EDRF1: variants seen among roughly 807,000 people sequenced by gnomAD.
EDRF1 encodes the protein erythroid differentiation regulatory factor 1, also known as erythroid differentiation-related factor 1.
In EDRF1, 69 loss-of-function variants were observed where a neutral mutation model predicts 148.7. The ratio of observed to expected loss-of-function variants is 0.46; its 90% CI spans 0.38 to 0.57. The LOEUF is 0.57. Among genes scored for constraint, EDRF1 ranks in the 20% least tolerant of loss-of-function variants. The pLI is 0.00. For synonymous variants in EDRF1, 515 were observed against 532.8 expected (o/e 0.97, Z 0.46); for missense variants, 1,118 against 1,478.7 (o/e 0.76, Z 4.00).
At chr10:125,731,112 A>G (rs146449659) in intron 9 of EDRF1, among the ~76,000 whole-genome samples, 2,531 of 152,316 alleles carry the variant, frequency 0.017, 46 homozygotes, top group Non-Finnish European at 0.026. Context: ...GTGCCACTGC[A>G]CTCCAGTATG....
chr10:125,754,127 A>C (rs1406614685), intron 24 of EDRF1, among the ~76,000 whole-genome samples: 2 of 151,136 alleles, frequency 1.3e-5, no homozygotes, highest in African/African-American at 4.9e-5. Context: ...GAGGCACGAG[A>C]CTTGCTTGAA....
intron 19 of EDRF1, 178 bp from the exon 20 acceptor site, chr10:125,747,358 T>C: frequency 1.4e-6 from 1 of 738,432 alleles, no homozygotes. Flanking sequence ...GGAATAACTT[T>C]CTTCATTGAA....
At position 125,751,404 on chromosome 10, in the gene EDRF1, G is replaced by T. The variant is rs1160824603; in HGVS notation, c.3278-1395G>T. Among the ~76,000 whole-genome samples, 92 of 140,700 alleles carry T rather than the reference G, an allele frequency of 6.5e-4. 2 individuals carry two copies. The highest frequency in any genetic ancestry group is 2.1e-3 in the East Asian group (10 of 4,708). 92.3% of individuals were successfully genotyped at this position (140,700 alleles called of 152,430 possible). On this transcript the variant is annotated intron_variant, in intron 22 of 24. Coordinates refer to ENST00000356792, the MANE Select transcript of EDRF1 (RefSeq NM_001202438.2). The stretch of plus-strand genomic sequence containing the variant: ...TTTATTCTATCTTATTTTACCCAGT[G>T]TTTTTTTTTTTGTTTTTTTTTTCTA...
chr10:125,733,559 A>G lies in EDRF1; in HGVS notation c.1276+8A>G, dbSNP rs755843851. 1.1e-5 allele frequency: 18 copies of G among 1,605,334 alleles called. No homozygotes were observed. Among genetic ancestry groups the G allele is most frequent in the East Asian group, 6.7e-5 (3 of 44,806 alleles). On this transcript the variant is annotated splice_region_variant and intron_variant, in intron 10 of 24. Coordinates refer to ENST00000356792, the MANE Select transcript of EDRF1 (RefSeq NM_001202438.2). ...CCTATTGGCTCTTTAAAGGTAAGCT[A>G]TTAATACTTCTTGAGTGAACAATAA...
In EDRF1 at chr10:125,741,176, C is replaced by T; in HGVS notation, c.2346C>T (p.Ser782=). The T allele has an allele frequency of 6.2e-7, 1 of 1,614,174 alleles. No individual in the cohort carries two copies. The change falls in exon 17 of 25, where the codon AGC becomes AGT. Residue 782 remains serine, a synonymous_variant. Transcript: ENST00000356792. ...AAGAAGACCAGGAGATCCTGCATAG[C>T]CTTCACAGAGAGTCCAGTTGCCAAG... ...QTKEDQEILH[S]LHRESSCQGF... is the part of the protein sequence containing the mutation.
At chr10:125,745,361 C>G (rs1169023915) in intron 18 of EDRF1, 1 of 315,968 alleles carries the variant, frequency 3.2e-6, no homozygotes, top group Non-Finnish European at 6.0e-6. Context: ...TCTCTCTGTG[C>G]ATAGCCCTGG....
At position 125,738,275 on chromosome 10, in the gene EDRF1, T is replaced by C; in HGVS notation, c.1831-20T>C. The C allele has an allele frequency of 6.2e-7, 1 of 1,614,078 alleles. No homozygotes were observed. Among genetic ancestry groups the C allele is most frequent in the Non-Finnish European group, 8.5e-7 (1 of 1,179,946 alleles). On this transcript the variant is annotated intron_variant, in intron 14 of 24. Transcript: ENST00000356792. ...GACCTGAAGTTAGATAGATAGTGAA[T>C]GCTTTTCCTTTTTTTGCAGGGTTTA...
chr10:125,761,817 G>T lies in EDRF1; in HGVS notation c.3546-1484G>T, dbSNP rs190208849. ...ACCCAACTATTAATAAAATGACAGT[G>T]TGATGTCATTGTCCACAAAGAATAA... On this transcript the variant is annotated intron_variant, in intron 24 of 24. Coordinates refer to ENST00000356792, the MANE Select transcript of EDRF1 (RefSeq NM_001202438.2). Among the ~76,000 whole-genome samples, 6 of 152,314 alleles carry T rather than the reference G, an allele frequency of 3.9e-5. No homozygotes were observed. The East Asian group carries it at 1.2e-3, about 29-fold the overall frequency.
chr10:125,725,084 T>C (rs1848189204), intron 4 of EDRF1, among the ~76,000 whole-genome samples: 2 of 152,162 alleles, frequency 1.3e-5, no homozygotes, highest in Non-Finnish European at 2.9e-5. Context: ...GAACATGTTA[T>C]AGAGAAGACT....
Position 125,733,483 on chromosome 10 carries a change from C to A in EDRF1, c.1208C>A (p.Ala403Glu). Residue 403 changes from alanine (A) to glutamate (E), a missense_variant, in exon 10 of 25, where the codon GCA becomes GAA. Physicochemically the swap from Ala to Glu is moderately radical, Grantham distance 107. Around this residue, in one of 3 missense-constraint regions of EDRF1, gnomAD observed 954 missense variants for 1,241.4 expected, o/e 0.77. Coordinates refer to ENST00000356792, the MANE Select transcript of EDRF1 (RefSeq NM_001202438.2). The stretch of plus-strand genomic sequence containing the variant: ...TCTACTAAAGTCATAAAAGACATTG[C>A]ACAGAATATTTTATCATTTTTGAAA... ...NFSTKVIKDI[A>E]QNILSFLKSN... is the part of the protein sequence containing the mutation. 6.3e-7 allele frequency: 1 copy of A among 1,591,116 alleles called. No homozygotes were observed. The highest frequency in any genetic ancestry group is 8.6e-7 in the Non-Finnish European group (1 of 1,159,516).
intron 22 of EDRF1, among the ~76,000 whole-genome samples, chr10:125,751,640 C>T (rs967231275): frequency 4.6e-5 from 7 of 152,182 alleles, no homozygotes; most frequent in African/African-American, 1.2e-4. Flanking sequence ...TCTCCCCACC[C>T]GCAGAGTCGG....
At chr10:125,741,235 T>G (rs1849001128) in intron 17 of EDRF1, 34 bp downstream of exon 17, 9 of 1,587,202 alleles carry the variant, frequency 5.7e-6, no homozygotes, top group Non-Finnish European at 7.8e-6. Flanking sequence ...TGGTTCACAG[T>G]GGGACTGTGC....
chr10:125,722,686 T>C (rs2133662077), intron 2 of EDRF1, among the ~76,000 whole-genome samples: 1 of 152,348 alleles, frequency 6.6e-6, no homozygotes, highest in Admixed American at 6.5e-5. Context: ...GATAAATGTT[T>C]CTGTTTCTGT....
Position 125,725,690 on chromosome 10 carries a change from G to C in EDRF1, c.644G>C (p.Gly215Ala). Residue 215 changes from glycine (G) to alanine (A), a missense_variant, in exon 6 of 25, where the codon GGT becomes GCT. Around this residue, in one of 3 missense-constraint regions of EDRF1, gnomAD observed 954 missense variants for 1,241.4 expected, o/e 0.77. Coordinates refer to ENST00000356792, the MANE Select transcript of EDRF1 (RefSeq NM_001202438.2). ...ATTTCTGGTTTGGCCAGTATCAATG[G>C]TGATGGAGCCGCTCAGCCTGTCTCA... ...LSKFLYYSIN[G>A]DGAAQPVSST... 6.2e-7 allele frequency: 1 copy of C among 1,613,966 alleles called. No individual in the cohort carries two copies. Among genetic ancestry groups the C allele is most frequent in the Non-Finnish European group, 8.5e-7 (1 of 1,180,006 alleles).
intron 6 of EDRF1, among the ~76,000 whole-genome samples, chr10:125,727,368 C>T (rs1250689808): frequency 1.3e-5 from 2 of 152,178 alleles, no homozygotes; most frequent in African/African-American, 4.8e-5. Context: ...GCTATCTCTG[C>T]ACAAATTCTT....
chr10:125,736,375 T>C (rs981682026), intron 13 of EDRF1, among the ~76,000 whole-genome samples: 1 of 152,126 alleles, frequency 6.6e-6, no homozygotes, highest in African/African-American at 2.4e-5. Context: ...TCTGTTGTAT[T>C]GGACATGTCT....
At chr10:125,731,927 T>A (rs1460923598) in intron 9 of EDRF1, 1 of 451,128 alleles carries the variant, frequency 2.2e-6, no homozygotes, top group Non-Finnish European at 4.5e-6. Context: ...GGAGCTCAAG[T>A]GAGTTGCCCA....
chr10:125,750,030 A>G (rs148400641), intron 22 of EDRF1, among the ~76,000 whole-genome samples: 2,265 of 152,260 alleles, frequency 0.015, 65 homozygotes, highest in African/African-American at 0.051. Context: ...AGTCCCAGCT[A>G]CTGAGGAGGT....
intron 21 of EDRF1, chr10:125,748,280 G>A (rs1468146018): frequency 1.9e-6 from 1 of 514,558 alleles, no homozygotes; most frequent in African/African-American, 1.9e-5. Flanking sequence ...GTGTTTTTGA[G>A]ATACATCTGT....
Sources: allele counts gnomAD v4.1 joint callset (sites outside exome capture counted in the v4.1 genomes callset), GRCh38; gene constraint gnomAD v4.1.1; regional missense constraint gnomAD v4.1.1; transcripts MANE v1.5; gene names NCBI Gene and HGNC (gene_info 2026-07-23, HGNC 2026-07-21).